PIK3R2: variants seen among roughly 807,000 people sequenced by gnomAD.
PIK3R2 encodes phosphatidylinositol 3-kinase regulatory subunit beta.
In PIK3R2, 40 loss-of-function variants were observed where a neutral mutation model predicts 78.5. That is an observed-to-expected ratio of 0.51 (90% confidence interval 0.40 to 0.66). PIK3R2 has a LOEUF of 0.66. Ranked by LOEUF, PIK3R2 falls within the 30% of genes least tolerant of loss-of-function variation. The pLI is 0.00. For synonymous variants in PIK3R2, 473 were observed against 457.7 expected (o/e 1.03, Z -0.43); for missense variants, 880 against 1,026.6 (o/e 0.86, Z 1.95).
At position 18,161,267 on chromosome 19, in the gene PIK3R2, A is replaced by G. The variant is rs2043741130; in HGVS notation, c.599-12A>G. On this transcript the variant is annotated splice_polypyrimidine_tract_variant and intron_variant, in intron 5 of 15. Coordinates refer to ENST00000222254, the MANE Select transcript of PIK3R2 (RefSeq NM_005027.4). This position sits in a 1 kb window ranked among gnomAD's most constrained non-coding sequence, Gnocchi z 5.3. The stretch of plus-strand genomic sequence containing the variant: ...AGGCCTGGCTCACCCTGCCCTGGCC[A>G]TCTGTCCGCAGAGGCCGCGGGGCCC... 3 of 1,431,634 alleles carry G rather than the reference A, an allele frequency of 2.1e-6. No individual in the cohort carries two copies. The highest frequency in any genetic ancestry group is 3.0e-5 in the African/African-American group (2 of 67,530). 88.7% of individuals were successfully genotyped at this position (1,431,634 alleles called of 1,614,324 possible).
At chr19:18,162,155 C>CAGTA (rs1568636350) in intron 7 of PIK3R2, 47 bp from the exon 8 acceptor site, 4 of 1,410,178 alleles carry the variant, frequency 2.8e-6, no homozygotes, top group Non-Finnish European at 4.0e-6. Context: ...GAGGCAGCCA[C>CAGTA]AGTATACAGT....
intron 1 of PIK3R2, among the ~76,000 whole-genome samples, chr19:18,154,283 A>T (rs2043654491): frequency 6.6e-6 from 1 of 151,906 alleles, no homozygotes; most frequent in Non-Finnish European, 1.5e-5. Context: ...ACTCCTGGGG[A>T]ATAATCAATG....
rs553269625 is a variant in PIK3R2, at chr19:18,164,469, T to A, written c.1416+1081T>A. On this transcript the variant is annotated intron_variant, in intron 11 of 15. Coordinates refer to ENST00000222254, the MANE Select transcript of PIK3R2 (RefSeq NM_005027.4). ...CTAGCCTGGGTAACATAGCAAGACT[T>A]TGTCTCTTAAAAAAATAAAATAAAA... Among the ~76,000 whole-genome samples, 300 of 152,206 alleles carry A rather than the reference T, an allele frequency of 2.0e-3. 1 individual carries two copies. The highest frequency in any genetic ancestry group is 5.4e-3 in the African/African-American group (226 of 41,544).
rs1265328872 is a variant in PIK3R2, at chr19:18,156,753, G to T, written c.322+552G>T. On this transcript the variant is annotated intron_variant, in intron 2 of 15. Transcript: ENST00000222254. This position sits in a 1 kb window ranked among gnomAD's most constrained non-coding sequence, Gnocchi z 4.2. ...AGGAGGGTAGGATGTGGGCTGCTCA[G>T]CTGAGGCCACACAGCACAGTGGGAT... Among the ~76,000 whole-genome samples the T allele has an allele frequency of 6.6e-6, 1 of 152,176 alleles. No individual in the cohort carries two copies. The highest frequency in any genetic ancestry group is 2.4e-5 in the African/African-American group (1 of 41,424).
chr19:18,161,380 A>T lies in PIK3R2; in HGVS notation c.700A>T (p.Ser234Cys). The T allele has an allele frequency of 1.6e-6, 2 of 1,241,742 alleles. No individual in the cohort carries two copies. Among genetic ancestry groups the T allele is most frequent in the Non-Finnish European group, 2.0e-6 (2 of 993,886 alleles). 76.9% of individuals were successfully genotyped at this position (1,241,742 alleles called of 1,614,324 possible). A position where few individuals can be genotyped will look rare whatever the true frequency, so the allele number is the denominator to read the frequency against. Residue 234 changes from serine (S) to cysteine (C), a missense_variant, in exon 6 of 16, where the codon AGC (serine) becomes TGC (cysteine). Physicochemically the swap from Ser to Cys is moderately radical, Grantham distance 112. This residue lies in a region of PIK3R2 where 456 missense variants were observed against 486.6 expected (regional missense o/e 0.94). Transcript: ENST00000222254. This position sits in a 1 kb window ranked among gnomAD's most constrained non-coding sequence, Gnocchi z 5.3. ...GCTCCAGCACCTGGGCCGCGTGGCC[A>T]GCCGCGCCCCGGCCCTGGGTCCCGC... ...FLLQHLGRVA[S>C]RAPALGPAVR...
rs753199322 is a variant in PIK3R2 at position 18,167,629 on chromosome 19, A to G, written c.1736+323A>G. Among the ~76,000 whole-genome samples the G allele has an allele frequency of 1.3e-5, 2 of 152,068 alleles. No homozygotes were observed. The highest frequency in any genetic ancestry group is 2.4e-5 in the African/African-American group (1 of 41,398). The stretch of plus-strand genomic sequence containing the variant: ...AGCACTTTGGGAGGCTGAGGCGGGC[A>G]GATGGATCACTTGAGGCCAGGAGTT... On this transcript the variant is annotated intron_variant, in intron 13 of 15. Coordinates refer to ENST00000222254, the MANE Select transcript of PIK3R2 (RefSeq NM_005027.4). This position sits in a 1 kb window ranked among gnomAD's most constrained non-coding sequence, Gnocchi z 4.5.
chr19:18,169,785 G>A lies in PIK3R2; in HGVS notation c.*491G>A, dbSNP rs1967139550. ...TGCTGCTTCCGAGAACCTCGGCCGT[G>A]ACATTCGGGGCCGGGCGGGACCCGC... On this transcript the variant is annotated 3_prime_UTR_variant, in exon 16 of 16. Coordinates refer to ENST00000222254, the MANE Select transcript of PIK3R2 (RefSeq NM_005027.4). 4.9e-6 allele frequency: 1 copy of A among 204,990 alleles called. No homozygotes were observed. The highest frequency in any genetic ancestry group is 1.0e-5 in the Non-Finnish European group (1 of 99,744). The allele number at this position is 204,990 out of a possible 1,614,324, so 12.7% of individuals were successfully genotyped here.
rs994261732 is a variant in PIK3R2 at position 18,167,948 on chromosome 19, G to A, written c.1737-527G>A. 6.6e-6 allele frequency among the ~76,000 whole-genome samples: 1 copy of A among 152,134 alleles called. No individual in the cohort carries two copies. Among genetic ancestry groups the A allele is most frequent in the Non-Finnish European group, 1.5e-5 (1 of 68,020 alleles). On this transcript the variant is annotated intron_variant, in intron 13 of 15. Coordinates refer to ENST00000222254, the MANE Select transcript of PIK3R2 (RefSeq NM_005027.4). The surrounding 1 kb of genome is among the most constrained non-coding windows in gnomAD (Gnocchi z 4.5). ...GCAGCCCTGTCCTGGGTTCAAATCAGTTCAAATCCTGCCCCCACCCACCAA... is the reference window on the plus strand; with the variant it reads ...GCAGCCCTGTCCTGGGTTCAAATCAATTCAAATCCTGCCCCCACCCACCAA...
chr19:18,156,123 G>C lies in PIK3R2; in HGVS notation c.244G>C (p.Ala82Pro), dbSNP rs771896618. 6.5e-7 allele frequency: 1 copy of C among 1,530,340 alleles called. No homozygotes were observed. Among genetic ancestry groups the C allele is most frequent in the Non-Finnish European group, 8.8e-7 (1 of 1,139,858 alleles). The allele number at this position is 1,530,340 out of a possible 1,614,324, so 94.8% of individuals were successfully genotyped here. A position where few individuals can be genotyped will look rare whatever the true frequency, so the allele number is the denominator to read the frequency against. The stretch of plus-strand genomic sequence containing the variant: ...CTATGTGGAGTTCCTGGGGCCCGTG[G>C]CCCTGGCCCGGCCCGGCCCTCGCCC... ...GTYVEFLGPV[A>P]LARPGPRPRG... The change falls in exon 2 of 16, where the codon GCC becomes CCC. Residue 82 changes from alanine (A) to proline (P), a missense_variant. Coordinates refer to ENST00000222254, the MANE Select transcript of PIK3R2 (RefSeq NM_005027.4). The surrounding 1 kb of genome is among the most constrained non-coding windows in gnomAD (Gnocchi z 4.2).
In PIK3R2 at chr19:18,161,404, G is replaced by T; in HGVS notation, c.724G>T (p.Ala242Ser). The change falls in exon 6 of 16, where the codon GCG becomes TCG. Residue 242 changes from alanine to serine, a missense_variant. Around this residue, in one of 3 missense-constraint regions of PIK3R2, gnomAD observed 456 missense variants for 486.6 expected, o/e 0.94. Coordinates refer to ENST00000222254, the MANE Select transcript of PIK3R2 (RefSeq NM_005027.4). This position sits in a 1 kb window ranked among gnomAD's most constrained non-coding sequence, Gnocchi z 5.3. The part of the protein sequence containing the change: ...VASRAPALGP[A>S]VRALGATFGP... Reference sequence around the variant, plus strand: ...CAGCCGCGCCCCGGCCCTGGGTCCCGCGGTCCGGGCCCTGGGCGCCACCTT... The same window carrying T: ...CAGCCGCGCCCCGGCCCTGGGTCCCTCGGTCCGGGCCCTGGGCGCCACCTT... 1.6e-6 allele frequency: 2 copies of T among 1,217,850 alleles called. No individual in the cohort carries two copies. The highest frequency in any genetic ancestry group is 2.0e-6 in the Non-Finnish European group (2 of 980,404). The allele number at this position is 1,217,850 out of a possible 1,614,324, so 75.4% of individuals were successfully genotyped here. A position where few individuals can be genotyped will look rare whatever the true frequency, so the allele number is the denominator to read the frequency against.
At position 18,163,280 on chromosome 19, in the gene PIK3R2, G is replaced by A. The variant is rs2147953599; in HGVS notation, c.1308G>A (p.Glu436=). The change falls in exon 11 of 16, where the codon GAG becomes GAA. Residue 436 remains glutamate (E), a synonymous_variant. Transcript: ENST00000222254. The part of the protein sequence containing the change: ...SKYQQDQIVK[E]DSVEAVGAQL... The stretch of plus-strand genomic sequence containing the variant: ...ATCTCCAGGACCAGATTGTCAAGGA[G>A]GACAGCGTGGAGGCAGTGGGCGCCC... The A allele has an allele frequency of 6.2e-7, 1 of 1,614,134 alleles. No individual in the cohort carries two copies. Among genetic ancestry groups the A allele is most frequent in the Non-Finnish European group, 8.5e-7 (1 of 1,180,014 alleles).
intron 1 of PIK3R2, among the ~76,000 whole-genome samples, chr19:18,153,997 T>G (rs1052724598): frequency 6.6e-6 from 1 of 152,120 alleles, no homozygotes; most frequent in Non-Finnish European, 1.5e-5. Context: ...TCCCCGTGAC[T>G]GAAGGATGCT....
At chr19:18,153,641 G>A (rs1391868581) in intron 1 of PIK3R2, among the ~76,000 whole-genome samples, 1 of 152,190 alleles carries the variant, frequency 6.6e-6, no homozygotes, top group Non-Finnish European at 1.5e-5. Context: ...GTGCGGGAGG[G>A]CCGGGGGTCG....
chr19:18,156,235 T>G lies in PIK3R2; in HGVS notation c.322+34T>G, dbSNP rs2043678962. The G allele has an allele frequency of 7.0e-7, 1 of 1,433,070 alleles. No individual in the cohort carries two copies. The highest frequency in any genetic ancestry group is 9.2e-7 in the Non-Finnish European group (1 of 1,087,802). 88.8% of individuals were successfully genotyped at this position (1,433,070 alleles called of 1,614,324 possible). The stretch of plus-strand genomic sequence containing the variant: ...CAAGCAGGGGCCCTGGAAAGGGGGG[T>G]GGTCCCCTCAGACCCTTGGTCTCCT... On this transcript the variant is annotated intron_variant, in intron 2 of 15. Coordinates refer to ENST00000222254, the MANE Select transcript of PIK3R2 (RefSeq NM_005027.4). The surrounding 1 kb of genome is among the most constrained non-coding windows in gnomAD (Gnocchi z 4.2).
At chr19:18,165,994 A>G in intron 11 of PIK3R2, 166 bp from the exon 12 acceptor site, 1 of 866,676 alleles carries the variant, frequency 1.2e-6, no homozygotes, top group Non-Finnish European at 2.0e-6. Context: ...TGGGGTTTTG[A>G]AGGCTGAATA....
chr19:18,159,892 C>A (rs1330194628), intron 2 of PIK3R2, among the ~76,000 whole-genome samples: 2 of 150,222 alleles, frequency 1.3e-5, no homozygotes, highest in African/African-American at 5.1e-5. Flanking sequence ...CAGGCACCCA[C>A]CACCACGCCC....
chr19:18,166,134 G>T, intron 11 of PIK3R2, 26 bp from the exon 12 acceptor site: 1 of 1,613,596 alleles, frequency 6.2e-7, no homozygotes, highest in Non-Finnish European at 8.5e-7. Context: ...GTCCCAGGAG[G>T]TGCTGAGCTG....
intron 1 of PIK3R2, among the ~76,000 whole-genome samples, chr19:18,154,257 GCCTCCC>G: frequency 6.6e-6 from 1 of 152,042 alleles, no homozygotes; most frequent in Non-Finnish European, 1.5e-5. Context: ...GCCTATCTCC[GCCTCCC>G]CAGGCTGGGA....
rs766551583 is a variant in PIK3R2 at position 18,155,876 on chromosome 19, G to A, written c.-4G>A. On this transcript the variant is annotated 5_prime_UTR_variant, in exon 2 of 16. Coordinates refer to ENST00000222254, the MANE Select transcript of PIK3R2 (RefSeq NM_005027.4). Reference sequence around the variant, plus strand: ...CATCCAGACCCCACCCCACTCACGCGGCCATGGCGGGCCCTGAGGGCTTCC... The same window carrying A: ...CATCCAGACCCCACCCCACTCACGCAGCCATGGCGGGCCCTGAGGGCTTCC... 1.6e-5 allele frequency: 25 copies of A among 1,539,468 alleles called. No homozygotes were observed. Among genetic ancestry groups the A allele is most frequent in the Middle Eastern group, 1.7e-4 (1 of 5,954 alleles).
Sources: allele counts gnomAD v4.1 joint callset (sites outside exome capture counted in the v4.1 genomes callset), GRCh38; gene constraint gnomAD v4.1.1; regional missense constraint gnomAD v4.1.1; non-coding constraint Gnocchi (gnomAD v3.1); transcripts MANE v1.5; gene names NCBI Gene and HGNC (gene_info 2026-07-23, HGNC 2026-07-21).